The following PRKX variants were observed in gnomAD, a reference collection of about 807,000 sequenced individuals.
PRKX encodes protein kinase cAMP-dependent X-linked catalytic subunit.
In PRKX, 12 loss-of-function variants were observed where a neutral mutation model predicts 22.0. The ratio of observed to expected loss-of-function variants is 0.54; its 90% CI spans 0.35 to 0.88. The LOEUF (loss-of-function observed/expected upper bound fraction) is 0.88. Among genes scored for constraint, PRKX ranks in the 40% least tolerant of loss-of-function variants. PRKX has a pLI of 0.01. For synonymous variants in PRKX, 134 were observed against 137.7 expected (o/e 0.97, Z 0.19); for missense variants, 217 against 308.0 (o/e 0.70, Z 2.21).
At position 3,713,138 on chromosome X, in the gene PRKX, G is replaced by A; in HGVS notation, c.116C>T (p.Pro39Leu). The change falls in exon 1 of 9, where the codon CCG becomes CTG. Residue 39 changes from proline to leucine, a missense_variant. Physicochemically the swap from Pro to Leu is moderately conservative, Grantham distance 98 (BLOSUM62 -3). Coordinates refer to ENST00000262848, the MANE Select transcript of PRKX (RefSeq NM_005044.5). ...ALCPSPEALS[P>L]EPPVYSLQDF... is the part of the protein sequence containing the mutation. ...CTGCAGGCTGTACACAGGCGGCTCCGGCGACAGCGCCTCAGGGCTGGGGCA... is the reference window on the plus strand; with the variant it reads ...CTGCAGGCTGTACACAGGCGGCTCCAGCGACAGCGCCTCAGGGCTGGGGCA... The A allele has an allele frequency of 5.2e-6, 6 of 1,154,765 alleles. No homozygotes were observed. Among genetic ancestry groups the A allele is most frequent in the Non-Finnish European group, 6.9e-6 (6 of 871,136 alleles).
chrX:3,632,258 G>A (rs1378664534), intron 4 of PRKX, among the ~76,000 whole-genome samples: 2 of 111,208 alleles, frequency 1.8e-5, no homozygotes, highest in Admixed American at 9.6e-5. Context: ...CTGGAGTTAC[G>A]AGCCACCACA....
At chrX:3,655,931 T>A (rs1281221167) in intron 2 of PRKX, among the ~76,000 whole-genome samples, 1 of 108,880 alleles carries the variant, frequency 9.2e-6, no homozygotes, top group African/African-American at 3.4e-5. Context: ...TAGACAGGTA[T>A]TAATATATGG....
At chrX:3,685,657 T>C (rs1455013820) in intron 1 of PRKX, among the ~76,000 whole-genome samples, 1 of 110,689 alleles carries the variant, frequency 9.0e-6, no homozygotes, top group African/African-American at 3.3e-5. Context: ...CCTCCCAGTG[T>C]GCACTTCAAA....
intron 1 of PRKX, among the ~76,000 whole-genome samples, chrX:3,696,863 A>G (rs915958557): frequency 6.3e-5 from 7 of 111,533 alleles, no homozygotes; most frequent in Non-Finnish European, 1.3e-4. Context: ...CTACTAAAAA[A>G]ACAAAAAATA....
intron 7 of PRKX, among the ~76,000 whole-genome samples, chrX:3,614,708 G>C (rs1301330185): frequency 9.0e-6 from 1 of 111,438 alleles, no homozygotes; most frequent in Middle Eastern, 4.7e-3. Flanking sequence ...TCCAGTGTTT[G>C]ACAGCATAGT....
rs2012597 is a variant in PRKX, at chrX:3,713,153, G to C, written c.101C>G (p.Pro34Arg). 1 of 1,140,471 alleles carries C rather than the reference G, an allele frequency of 8.8e-7. No homozygotes were observed. Among genetic ancestry groups the C allele is most frequent in the Middle Eastern group, 2.5e-4 (1 of 3,978 alleles). 94.0% of individuals were successfully genotyped at this position (1,140,471 alleles called of 1,213,427 possible). Residue 34 changes from proline to arginine, a missense_variant, in exon 1 of 9, where the codon CCT becomes CGT. Physicochemically the swap from Pro to Arg is moderately radical, Grantham distance 103. Coordinates refer to ENST00000262848, the MANE Select transcript of PRKX (RefSeq NM_005044.5). ...PDGAPALCPS[P>R]EALSPEPPVY... Reference sequence around the variant, plus strand: ...AGGCGGCTCCGGCGACAGCGCCTCAGGGCTGGGGCAGAGCGCGGGCGCCCC... The same window carrying C: ...AGGCGGCTCCGGCGACAGCGCCTCACGGCTGGGGCAGAGCGCGGGCGCCCC...
intron 3 of PRKX, among the ~76,000 whole-genome samples, chrX:3,653,076 T>C (rs1310014855): frequency 9.0e-6 from 1 of 111,144 alleles, no homozygotes; most frequent in African/African-American, 3.3e-5. Flanking sequence ...AAAAAATACA[T>C]ATACATGTAT....
chrX:3,689,211 A>T (rs1344349119), intron 1 of PRKX, among the ~76,000 whole-genome samples: 3 of 112,459 alleles, frequency 2.7e-5, no homozygotes, highest in Non-Finnish European at 5.6e-5. Flanking sequence ...TTTCCTTGAC[A>T]TTTTCCCCCC....
intron 1 of PRKX, among the ~76,000 whole-genome samples, chrX:3,709,665 G>C (rs1180776227): frequency 9.0e-6 from 1 of 111,295 alleles, no homozygotes; most frequent in African/African-American, 3.3e-5. Context: ...CTGATATATA[G>C]AGAAAGGAAT....
chrX:3,712,970 G>A, intron 1 of PRKX, 118 bp downstream of exon 1: 1 of 873,180 alleles, frequency 1.1e-6, no homozygotes, highest in Non-Finnish European at 1.5e-6. Flanking sequence ...ACTCCGAGCC[G>A]AAGTAGCGGG....
At chrX:3,686,150 T>C (rs1928174306) in intron 1 of PRKX, among the ~76,000 whole-genome samples, 1 of 111,734 alleles carries the variant, frequency 8.9e-6, no homozygotes, top group African/African-American at 3.3e-5. Flanking sequence ...ACCTGTGGGC[T>C]GAACAGCACA....
chrX:3,667,667 C>T (rs1264350850), intron 2 of PRKX, among the ~76,000 whole-genome samples: 3 of 111,068 alleles, frequency 2.7e-5, no homozygotes, highest in Non-Finnish European at 5.7e-5. Flanking sequence ...CACAGCTGAG[C>T]CAGAGCCAGT....
At chrX:3,648,301 T>A (rs922156843) in intron 3 of PRKX, among the ~76,000 whole-genome samples, 6 of 111,154 alleles carry the variant, frequency 5.4e-5, no homozygotes, top group Non-Finnish European at 1.1e-4. Context: ...AACAGACACA[T>A]AGGGGGCTGG....
At chrX:3,642,468 G>C (rs769902442) in intron 3 of PRKX, among the ~76,000 whole-genome samples, 1 of 109,519 alleles carries the variant, frequency 9.1e-6, no homozygotes, top group African/African-American at 3.3e-5. Flanking sequence ...ACACCTGGCC[G>C]CTGGAAGGAG....
intron 2 of PRKX, among the ~76,000 whole-genome samples, chrX:3,657,383 G>C (rs1927501765): frequency 9.0e-6 from 1 of 111,238 alleles, no homozygotes; most frequent in African/African-American, 3.3e-5. Flanking sequence ...CACACACAGA[G>C]GGACGACCAC....
intron 2 of PRKX, among the ~76,000 whole-genome samples, chrX:3,656,763 T>C (rs1378388627): frequency 1.8e-5 from 2 of 112,236 alleles, no homozygotes; most frequent in African/African-American, 6.5e-5. Flanking sequence ...AGATGTTACA[T>C]AGATGTTGTC....
chrX:3,666,413 C>T (rs1369359940), intron 2 of PRKX, among the ~76,000 whole-genome samples: 1 of 110,936 alleles, frequency 9.0e-6, no homozygotes, highest in Non-Finnish European at 1.9e-5. Context: ...ACCTCGGCCT[C>T]CCAAAGTGCT....
chrX:3,708,756 C>T (rs778278130), intron 1 of PRKX, among the ~76,000 whole-genome samples: 2 of 107,789 alleles, frequency 1.9e-5, no homozygotes, highest in African/African-American at 6.8e-5. Flanking sequence ...CCCAGCTCCT[C>T]GGGAGGCTGA....
chrX:3,664,107 G>A (rs1444453456), intron 2 of PRKX, among the ~76,000 whole-genome samples: 2 of 112,014 alleles, frequency 1.8e-5, no homozygotes, highest in East Asian at 5.6e-4. Context: ...GCCTTGCACA[G>A]CTGAGCTCCT....
Sources: gnomAD v4.1 joint callset for allele counts (sites outside exome capture counted in the v4.1 genomes callset) on GRCh38, gnomAD v4.1.1 for gene constraint, MANE v1.5 for transcripts, NCBI Gene and HGNC (gene_info 2026-07-23, HGNC 2026-07-21) for gene names.